The following MDFIC variants were observed in gnomAD, a reference collection of about 807,000 sequenced individuals.
The protein encoded by MDFIC is myoD family inhibitor domain-containing protein.
Under a neutral mutation model 23.2 loss-of-function variants are expected in MDFIC, and 17 were observed. The observed-to-expected ratio is 0.73, with a 90% CI of 0.50 to 1.10. The LOEUF is 1.10. Among genes scored for constraint, MDFIC ranks in the 50% least tolerant of loss-of-function variants. The pLI is 0.00. For missense variants in MDFIC, 356 were observed against 316.6 expected, an observed-to-expected ratio of 1.12 and a Z score of -0.95; for synonymous variants, 120 against 115.2, an observed-to-expected ratio of 1.04 and a Z score of -0.27.
intron 4 of MDFIC, among the ~76,000 whole-genome samples, chr7:114,996,095 A>C (rs1326523480): frequency 6.6e-6 from 1 of 152,184 alleles, no homozygotes; most frequent in Non-Finnish European, 1.5e-5. Context: ...TGAGGTAGGA[A>C]AACTGCATCA....
chr7:114,974,123 G>A (rs1332828221), intron 3 of MDFIC, among the ~76,000 whole-genome samples: 5 of 152,104 alleles, frequency 3.3e-5, no homozygotes, highest in Non-Finnish European at 5.9e-5. Flanking sequence ...GGATCAAGTT[G>A]ATGAAAAGAG....
intron 2 of MDFIC, among the ~76,000 whole-genome samples, chr7:114,939,085 A>G (rs181045882): frequency 6.0e-5 from 9 of 150,512 alleles, no homozygotes; most frequent in African/African-American, 2.0e-4. Flanking sequence ...CTTCAGTGTT[A>G]TATGTAACTG....
chr7:114,964,540 C>T (rs184464402), intron 3 of MDFIC, among the ~76,000 whole-genome samples: 2 of 149,954 alleles, frequency 1.3e-5, no homozygotes, highest in Non-Finnish European at 3.0e-5. Context: ...CCTTCCCTTC[C>T]CTTCCCTTCC....
chr7:114,991,382 T>G (rs1176767775), intron 4 of MDFIC, among the ~76,000 whole-genome samples: 2 of 151,900 alleles, frequency 1.3e-5, no homozygotes, highest in South Asian at 2.1e-4. Flanking sequence ...TTTTGTCTTT[T>G]GTTGCCATTG....
At chr7:115,015,580 G>A in intron 4 of MDFIC, 108 bp from the exon 5 acceptor site, 1 of 1,422,636 alleles carries the variant, frequency 7.0e-7, no homozygotes, top group Non-Finnish European at 9.5e-7. Flanking sequence ...CATTTGGGTT[G>A]TGGATTACTT....
rs563725491 is a variant in MDFIC at position 114,943,532 on chromosome 7, G to A, written c.217+1135G>A. ...ATACACTTTGGTCTTGGAGAAGGGA[G>A]TAGGAAGGAAGGAAATGAGACTCAG... is the stretch of plus-strand genomic sequence containing the variant. On this transcript the variant is annotated intron_variant, in intron 3 of 4. Transcript: ENST00000393486. Among the ~76,000 whole-genome samples the A allele has an allele frequency of 5.9e-5, 9 of 152,284 alleles. 1 individual carries two copies. In the East Asian group the frequency reaches 1.7e-3, roughly 29 times the overall value.
At chr7:114,934,382 C>G (rs1316130046) in intron 2 of MDFIC, among the ~76,000 whole-genome samples, 1 of 152,096 alleles carries the variant, frequency 6.6e-6, no homozygotes, top group East Asian at 1.9e-4. Context: ...GAATTTAGAG[C>G]CCTGATTTAT....
intron 2 of MDFIC, chr7:114,923,556 G>A: frequency 2.0e-6 from 3 of 1,534,778 alleles, no homozygotes; most frequent in Admixed American, 4.0e-5. Context: ...CTACCACCCG[G>A]TTGATAATTC....
intron 3 of MDFIC, among the ~76,000 whole-genome samples, chr7:114,977,088 A>G (rs1793330731): frequency 6.6e-6 from 1 of 152,156 alleles, no homozygotes; most frequent in Non-Finnish European, 1.5e-5. Context: ...AAATTCCAGG[A>G]AAGTATAGCA....
intron 4 of MDFIC, among the ~76,000 whole-genome samples, chr7:115,004,569 T>A (rs1223853450): frequency 2.0e-5 from 3 of 152,270 alleles, no homozygotes; most frequent in African/African-American, 7.2e-5. Flanking sequence ...TATTTTTATT[T>A]ACCTACATTT....
intron 4 of MDFIC, among the ~76,000 whole-genome samples, chr7:114,988,949 G>A (rs1206602079): frequency 2.6e-5 from 4 of 152,184 alleles, no homozygotes. Context: ...CTGGAGGCCA[G>A]CCAGTTTGGT....
At chr7:115,000,466 C>T (rs1192978716) in intron 4 of MDFIC, among the ~76,000 whole-genome samples, 1 of 152,142 alleles carries the variant, frequency 6.6e-6, no homozygotes, top group Non-Finnish European at 1.5e-5. Context: ...ATCTCCATGG[C>T]ACACCACAGA....
chr7:114,923,120 A>T lies in MDFIC; in HGVS notation c.87A>T (p.Thr29=), dbSNP rs1282622270. 2.0e-5 allele frequency: 30 copies of T among 1,491,466 alleles called. No individual in the cohort carries two copies. The highest frequency in any genetic ancestry group is 2.6e-5 in the Non-Finnish European group (29 of 1,124,410). The allele number at this position is 1,491,466 out of a possible 1,614,324, so 92.4% of individuals were successfully genotyped here. ...CGGGCGGCGGCCAGCTGGGCTCCAC[A>T]GCCCAGGGTGAGTGCGCGCTTGCAA... The part of the protein sequence containing the change: ...AEAGGGQLGS[T]AQGKCDKDNT... Residue 29 remains threonine, a synonymous_variant, in exon 2 of 5, where the codon ACA becomes ACT. Transcript: ENST00000393486.
intron 4 of MDFIC, among the ~76,000 whole-genome samples, chr7:114,990,811 ATGTGCATG>A (rs1791140689): frequency 6.6e-6 from 1 of 152,120 alleles, no homozygotes; most frequent in African/African-American, 2.4e-5. Flanking sequence ...ATAAACATAC[ATGTGCATG>A]TGTCTTTATA....
intron 4 of MDFIC, among the ~76,000 whole-genome samples, chr7:114,983,013 CTT>C (rs1793444521): frequency 6.6e-6 from 1 of 152,202 alleles, no homozygotes; most frequent in South Asian, 2.1e-4. Flanking sequence ...GGACTTACCT[CTT>C]AATATCATCA....
intron 2 of MDFIC, among the ~76,000 whole-genome samples, chr7:114,937,635 C>T (rs1278021177): frequency 1.3e-5 from 2 of 152,192 alleles, no homozygotes; most frequent in African/African-American, 4.8e-5. Context: ...TATGACAGAG[C>T]AGTTGTCACT....
At chr7:114,934,448 A>G (rs888936107) in intron 2 of MDFIC, among the ~76,000 whole-genome samples, 8 of 152,110 alleles carry the variant, frequency 5.3e-5, no homozygotes, top group Non-Finnish European at 1.2e-4. Flanking sequence ...GCATATTTAT[A>G]CTCAATTGGA....
chr7:114,961,201 C>A lies in MDFIC; in HGVS notation c.218-18305C>A, dbSNP rs993287775. Among the ~76,000 whole-genome samples the A allele has an allele frequency of 8.5e-5, 13 of 152,292 alleles. 1 individual carries two copies. The highest frequency in any genetic ancestry group is 4.6e-4 in the Admixed American group (7 of 15,292). ...AGGATGAGACACAATCCTTTCCCCC[C>A]ACAACACATGAACACTCCTAACCTC... On this transcript the variant is annotated intron_variant, in intron 3 of 4. Transcript: ENST00000393486.
At chr7:114,942,136 G>A (rs4615508) in intron 2 of MDFIC, 139 bp from the exon 3 acceptor site, 50,625 of 419,000 alleles carry the variant, frequency 0.12, 3,484 homozygotes, top group Middle Eastern at 0.18. Flanking sequence ...AATAAAATAG[G>A]CAGCAGGCAA....
Sources: allele counts gnomAD v4.1 joint callset (sites outside exome capture counted in the v4.1 genomes callset), GRCh38; gene constraint gnomAD v4.1.1; transcripts MANE v1.5; gene names NCBI Gene and HGNC (gene_info 2026-07-23, HGNC 2026-07-21).